Variants in ZNF432 observed in about 807,000 individuals in gnomAD.
ZNF432 encodes zinc finger protein 432.
A neutral mutation model predicts 13.9 loss-of-function variants in ZNF432; 10 were observed. The ratio of observed to expected loss-of-function variants is 0.72; its 90% CI spans 0.44 to 1.22. The LOEUF is 1.22. Ranked by LOEUF, ZNF432 falls within the 50% of genes most tolerant of loss-of-function variation. The pLI is 0.00. For synonymous variants in ZNF432, 247 were observed against 256.2 expected, an observed-to-expected ratio of 0.96 and a Z score of 0.34; for missense variants, 793 against 796.2, an observed-to-expected ratio of 1.00 and a Z score of 0.05.
intron 4 of ZNF432, among the ~76,000 whole-genome samples, chr19:52,039,842 A>AAAAAG (rs1321126170): frequency 6.6e-5 from 10 of 150,980 alleles, no homozygotes; most frequent in East Asian, 3.9e-4. Flanking sequence ...AAAAAAAAAA[A>AAAAAG]AAAAGAAAAG....
intron 2 of ZNF432, among the ~76,000 whole-genome samples, chr19:52,046,279 G>A (rs2087182295): frequency 1.3e-5 from 2 of 151,972 alleles, no homozygotes; most frequent in East Asian, 1.9e-4. Context: ...ATTTTCCTAG[G>A]TCACTTAGAT....
chr19:52,038,254 GT>G (rs74637129), intron 4 of ZNF432, among the ~76,000 whole-genome samples: 29,919 of 152,148 alleles, frequency 0.2, 3,254 homozygotes, highest in East Asian at 0.38. Flanking sequence ...TCTTTTGATA[GT>G]CAGGCCCATG....
chr19:52,040,864 T>A (rs1263572848), intron 3 of ZNF432, among the ~76,000 whole-genome samples: 1 of 150,910 alleles, frequency 6.6e-6, no homozygotes, highest in East Asian at 1.9e-4. Context: ...CCGAGCACTA[T>A]GGGAGGCTGA....
In ZNF432 at chr19:52,045,352, CT is replaced by C. The variant is rs11433756; in HGVS notation, c.15+1501del. ...GGGAATCTACTTTTACTTTTTTTAC[CT>C]TTTTTTTTTTTTTTTTTTTCGAGAC... On this transcript the variant is annotated intron_variant, in intron 2 of 4. Coordinates refer to ENST00000221315, the MANE Select transcript of ZNF432 (RefSeq NM_014650.4). Among the ~76,000 whole-genome samples the C allele has an allele frequency of 1.3e-3, 143 of 107,532 alleles. 1 individual carries two copies. The Middle Eastern group carries it at 0.015, about 11-fold the overall frequency. 70.5% of individuals were successfully genotyped at this position (107,532 alleles called of 152,430 possible).
rs1379881761 is a variant in ZNF432, at chr19:52,034,905, C to A, written c.774G>T (p.Glu258Asp). The A allele has an allele frequency of 1.2e-6, 2 of 1,613,268 alleles. No homozygotes were observed. The highest frequency in any genetic ancestry group is 1.1e-5 in the South Asian group (1 of 90,818). Residue 258 changes from glutamate (E) to aspartate (D), a missense_variant, in exon 5 of 5, where the codon GAG (glutamate) becomes GAT (aspartate). Coordinates refer to ENST00000221315, the MANE Select transcript of ZNF432 (RefSeq NM_014650.4). ...LNEHQRIHKR[E>D]KSFICSECGK... ...CACATTCACTGCATATAAAAGATTT[C>A]TCTCTTTTATGAATTCTTTGATGTT...
At position 52,035,326 on chromosome 19, in the gene ZNF432, T is replaced by G; in HGVS notation, c.353A>C (p.Lys118Thr). 6.2e-7 allele frequency: 1 copy of G among 1,612,822 alleles called. No individual in the cohort carries two copies. Among genetic ancestry groups the G allele is most frequent in the Non-Finnish European group, 8.5e-7 (1 of 1,179,724 alleles). ...NAFGNTASQT[K>T]SLCLFRENHD... ...ATTTTCCCTGAAAAGACAAAGGCTT[T>G]TGGTTTGAGAGGCAGTATTTCCAAA... Residue 118 changes from lysine (K) to threonine (T), a missense_variant, in exon 5 of 5, where the codon AAA becomes ACA. Physicochemically the swap from Lys to Thr is moderately conservative, Grantham distance 78. Coordinates refer to ENST00000221315, the MANE Select transcript of ZNF432 (RefSeq NM_014650.4).
chr19:52,034,401 C>A lies in ZNF432; in HGVS notation c.1278G>T (p.Glu426Asp), dbSNP rs765063035. 1.4e-5 allele frequency: 23 copies of A among 1,613,808 alleles called. 1 individual carries two copies. Among genetic ancestry groups the A allele is most frequent in the Non-Finnish European group, 1.9e-5 (22 of 1,180,000 alleles). Reference sequence around the variant, plus strand: ...CACATTCACTACATAGATATGACTTCTCTACTGTATGATTTCTCTGATGTA... The same window carrying A: ...CACATTCACTACATAGATATGACTTATCTACTGTATGATTTCTCTGATGTA... ...LIVHQRNHTV[E>D]KSYLCSECGK... The change falls in exon 5 of 5, where the codon GAG becomes GAT. Residue 426 changes from glutamate (E) to aspartate (D), a missense_variant. Coordinates refer to ENST00000221315, the MANE Select transcript of ZNF432 (RefSeq NM_014650.4).
intron 3 of ZNF432, among the ~76,000 whole-genome samples, chr19:52,041,076 G>T (rs557568628): frequency 1.3e-5 from 2 of 152,178 alleles, no homozygotes; most frequent in Admixed American, 6.5e-5. Flanking sequence ...ATTCCAGCCT[G>T]AGTGAAAGAC....
intron 4 of ZNF432, among the ~76,000 whole-genome samples, chr19:52,038,782 A>T (rs1371358877): frequency 6.6e-6 from 1 of 152,238 alleles, no homozygotes; most frequent in East Asian, 1.9e-4. Flanking sequence ...CTCTAACCTC[A>T]TCCAAACAGA....
At chr19:52,042,955 C>A (rs1254148154) in intron 2 of ZNF432, among the ~76,000 whole-genome samples, 2 of 152,208 alleles carry the variant, frequency 1.3e-5, no homozygotes, top group African/African-American at 4.8e-5. Flanking sequence ...AGAATAATGT[C>A]TTCAATGTCC....
At chr19:52,048,166 CACACACACACACACACAA>C (rs2087207586) in intron 1 of ZNF432, among the ~76,000 whole-genome samples, 1 of 147,574 alleles carries the variant, frequency 6.8e-6, no homozygotes, top group African/African-American at 2.6e-5. Flanking sequence ...CACACACACA[CACACACACACACACACAA>C]AACCAGCCAG....
rs376544430 is a variant in ZNF432, at chr19:52,034,837, C to T, written c.842G>A (p.Arg281Gln). ...TMKSRLIEHQ[R>Q]THTGEKPYIC... ...GTAGGGTTTCTCTCCAGTATGAGTT[C>T]GCTGATGTTCAATCAGACGGCTCTT... Residue 281 changes from arginine to glutamine, a missense_variant, in exon 5 of 5, where the codon CGA becomes CAA. By Grantham distance (43) the Arg-to-Gln change is conservative. Transcript: ENST00000221315. 3.2e-5 allele frequency: 51 copies of T among 1,613,472 alleles called. No homozygotes were observed. Among genetic ancestry groups the T allele is most frequent in the East Asian group, 1.6e-4 (7 of 44,880 alleles).
In ZNF432 at chr19:52,032,974, G is replaced by C. The variant is rs1385978986; in HGVS notation, c.*746C>G. On this transcript the variant is annotated 3_prime_UTR_variant, in exon 5 of 5. Transcript: ENST00000221315. The stretch of plus-strand genomic sequence containing the variant: ...TCCCATGATAATGCTGCTAGTATGT[G>C]TAAGTTCATTGATGATCTATTATGA... The C allele has an allele frequency of 1.3e-5, 2 of 152,158 alleles. No homozygotes were observed. Among genetic ancestry groups the C allele is most frequent in the Non-Finnish European group, 2.9e-5 (2 of 68,034 alleles). The allele number at this position is 152,158 out of a possible 1,614,324, so 9.4% of individuals were successfully genotyped here.
At position 52,047,000 on chromosome 19, in the gene ZNF432, G is replaced by A; in HGVS notation, c.-132C>T. ...TCCACAGAAATCATATCTAGGTCCTGGAATCTTCCTCTTTCTTCATTTACT... is the reference window on the plus strand; with the variant it reads ...TCCACAGAAATCATATCTAGGTCCTAGAATCTTCCTCTTTCTTCATTTACT... On this transcript the variant is annotated 5_prime_UTR_variant, in exon 2 of 5. Coordinates refer to ENST00000221315, the MANE Select transcript of ZNF432 (RefSeq NM_014650.4). 2.3e-6 allele frequency: 2 copies of A among 874,894 alleles called. No homozygotes were observed. Among genetic ancestry groups the A allele is most frequent in the Non-Finnish European group, 3.5e-6 (2 of 575,984 alleles). The allele number at this position is 874,894 out of a possible 1,614,324, so 54.2% of individuals were successfully genotyped here. A position where few individuals can be genotyped will look rare whatever the true frequency, so the allele number is the denominator to read the frequency against.
chr19:52,034,429 A>C lies in ZNF432; in HGVS notation c.1250T>G (p.Ile417Ser). Residue 417 changes from isoleucine to serine, a missense_variant, in exon 5 of 5, where the codon ATT becomes AGT. Coordinates refer to ENST00000221315, the MANE Select transcript of ZNF432 (RefSeq NM_014650.4). ...TACTGTATGATTTCTCTGATGTACA[A>C]TAAGATTACTCTTCCTGGGAAAGCC... The part of the protein sequence containing the change: ...GKGFPRKSNL[I>S]VHQRNHTVEK... 1 of 1,614,024 alleles carries C rather than the reference A, an allele frequency of 6.2e-7. No homozygotes were observed. The highest frequency in any genetic ancestry group is 8.5e-7 in the Non-Finnish European group (1 of 1,179,990).
intron 4 of ZNF432, among the ~76,000 whole-genome samples, chr19:52,038,688 C>T (rs1005257369): frequency 1.3e-5 from 2 of 152,234 alleles, no homozygotes; most frequent in African/African-American, 4.8e-5. Flanking sequence ...ACTATCCTGC[C>T]ATATGCTCTA....
At chr19:52,046,007 C>CAAAAAAAAAAAAAAAAAAA (rs201110474) in intron 2 of ZNF432, among the ~76,000 whole-genome samples, 1 of 87,082 alleles carries the variant, frequency 1.1e-5, no homozygotes, top group Non-Finnish European at 2.4e-5. Flanking sequence ...AAACAAAAAC[C>CAAAAAAAAAAAAAAAAAAA]AAAAAAAAAA....
rs776939618 is a variant in ZNF432, at chr19:52,044,701, GATA to G, written c.15+2150_15+2152del. Among the ~76,000 whole-genome samples, 7 of 152,246 alleles carry G rather than the reference GATA, an allele frequency of 4.6e-5. No individual in the cohort carries two copies. The South Asian group carries it at 1.2e-3, about 27-fold the overall frequency. On this transcript the variant is annotated intron_variant, in intron 2 of 4. Transcript: ENST00000221315. ...TGGATCATTGAAAATTGTATAATTTGATAATGTCATATTTTTAAGTATTGGCAA... is the reference window on the plus strand; with the variant it reads ...TGGATCATTGAAAATTGTATAATTTGATGTCATATTTTTAAGTATTGGCAA...
Position 52,035,237 on chromosome 19 carries a change from T to C in ZNF432, c.442A>G (p.Lys148Glu). 2 of 1,606,958 alleles carry C rather than the reference T, an allele frequency of 1.2e-6. No individual in the cohort carries two copies. Among genetic ancestry groups the C allele is most frequent in the Non-Finnish European group, 1.7e-6 (2 of 1,178,068 alleles). The change falls in exon 5 of 5, where the codon AAA becomes GAA. Residue 148 changes from lysine to glutamate, a missense_variant. Transcript: ENST00000221315. ...GTAGAGTTGTTAATTTCACAGCTTT[T>C]GTTCTGGTTGACTAAACTTAAATTT... is the stretch of plus-strand genomic sequence containing the variant. The part of the protein sequence containing the change: ...KSNLSLVNQN[K>E]SCEINNSTKF...
Sources: gnomAD v4.1 joint callset for allele counts (sites outside exome capture counted in the v4.1 genomes callset) on GRCh38, gnomAD v4.1.1 for gene constraint, MANE v1.5 for transcripts, NCBI Gene and HGNC (gene_info 2026-07-23, HGNC 2026-07-21) for gene names.